ASIC2: variants seen among roughly 807,000 people sequenced by gnomAD.
The protein encoded by ASIC2 is acid sensing ion channel subunit 2.
A neutral mutation model predicts 57.3 loss-of-function variants in ASIC2; 25 were observed. The observed-to-expected ratio is 0.44, with a 90% CI of 0.32 to 0.61. The LOEUF is 0.61. Ranked by LOEUF, ASIC2 falls within the 20% of genes least tolerant of loss-of-function variation. The pLI is 0.06. For synonymous variants in ASIC2, 319 were observed against 307.5 expected (o/e 1.04, Z -0.39); for missense variants, 641 against 738.1 (o/e 0.87, Z 1.52).
intron 1 of ASIC2, among the ~76,000 whole-genome samples, chr17:33,874,704 T>C (rs543803150): frequency 6.6e-6 from 1 of 152,200 alleles, no homozygotes; most frequent in Admixed American, 6.5e-5. Context: ...ATCCCCACCC[T>C]CCTTTGCTGG....
intron 1 of ASIC2, among the ~76,000 whole-genome samples, chr17:33,824,620 T>C (rs1301168030): frequency 6.6e-6 from 1 of 152,188 alleles, no homozygotes; most frequent in Non-Finnish European, 1.5e-5. Flanking sequence ...TGACATGGTT[T>C]GGCTGTGGCC....
chr17:33,589,241 G>A (rs189257117), intron 1 of ASIC2, among the ~76,000 whole-genome samples: 21 of 152,308 alleles, frequency 1.4e-4, no homozygotes, highest in Non-Finnish European at 2.6e-4. Context: ...CACGAGTACA[G>A]TATGTTCCCA....
intron 1 of ASIC2, among the ~76,000 whole-genome samples, chr17:33,336,098 G>A (rs903531055): frequency 6.6e-6 from 1 of 152,098 alleles, no homozygotes; most frequent in East Asian, 1.9e-4. Flanking sequence ...CTGCCTCCTG[G>A]GTCTGCCTCC....
intron 1 of ASIC2, among the ~76,000 whole-genome samples, chr17:33,212,532 TAA>T (rs1907318761): frequency 6.6e-6 from 1 of 152,226 alleles, no homozygotes; most frequent in African/African-American, 2.4e-5. Context: ...TGTAAGAGAA[TAA>T]GTTTCTGTTG....
At chr17:33,478,479 C>T (rs1325000257) in intron 1 of ASIC2, among the ~76,000 whole-genome samples, 2 of 152,210 alleles carry the variant, frequency 1.3e-5, no homozygotes, top group Non-Finnish European at 2.9e-5. Flanking sequence ...CATGAATGAA[C>T]ATGCTATCTG....
rs1256937101 is a variant in ASIC2, at chr17:34,156,580, AG to A, written c.-49del. On this transcript the variant is annotated 5_prime_UTR_variant, in exon 1 of 10. Coordinates refer to the ASIC2 transcript ENST00000359872. The surrounding 1 kb of genome is among the most constrained non-coding windows in gnomAD (Gnocchi z 4.4). Reference sequence around the variant, plus strand: ...ACTGGCTTCAGGTTGATCGAATTTCAGAGAAGAGCTCCCAGTCCTCGGGCTC... The same window carrying A: ...ACTGGCTTCAGGTTGATCGAATTTCAAGAAGAGCTCCCAGTCCTCGGGCTC... The A allele has an allele frequency of 2.6e-6, 4 of 1,523,750 alleles. No individual in the cohort carries two copies. Among genetic ancestry groups the A allele is most frequent in the Non-Finnish European group, 3.5e-6 (4 of 1,131,696 alleles). The allele number at this position is 1,523,750 out of a possible 1,614,324, so 94.4% of individuals were successfully genotyped here. A position where few individuals can be genotyped will look rare whatever the true frequency, so the allele number is the denominator to read the frequency against.
chr17:33,864,007 G>A lies in ASIC2; in HGVS notation c.555+291971C>T, dbSNP rs560997238. The stretch of plus-strand genomic sequence containing the variant: ...CAACCTCCACCTCCCAGGTTCAAGC[G>A]ATTCTCCTACCTTAGCCTACTGAGT... On this transcript the variant is annotated intron_variant, in intron 1 of 9. Coordinates refer to the ASIC2 transcript ENST00000359872. Among the ~76,000 whole-genome samples the A allele has an allele frequency of 2.6e-4, 40 of 151,898 alleles. No homozygotes were observed. In the South Asian group the frequency reaches 7.1e-3, roughly 27 times the overall value.
intron 1 of ASIC2, among the ~76,000 whole-genome samples, chr17:33,764,158 A>G (rs1373415570): frequency 6.6e-6 from 1 of 152,068 alleles, no homozygotes; most frequent in African/African-American, 2.4e-5. Context: ...AAACAACAAA[A>G]AAACAAAATT....
At position 33,953,108 on chromosome 17, in the gene ASIC2, A is replaced by G. The variant is rs555897507; in HGVS notation, c.555+202870T>C. Among the ~76,000 whole-genome samples the G allele has an allele frequency of 5.3e-5, 8 of 152,300 alleles. No homozygotes were observed. In the South Asian group the frequency reaches 1.7e-3, roughly 32 times the overall value. On this transcript the variant is annotated intron_variant, in intron 1 of 9. Coordinates refer to the ASIC2 transcript ENST00000359872. ...ATTAGAAACAAAACTATATATTTGTATGAGATCATCTACATACAATGCATT... is the reference window on the plus strand; with the variant it reads ...ATTAGAAACAAAACTATATATTTGTGTGAGATCATCTACATACAATGCATT...
At chr17:33,795,738 G>T (rs539442425) in intron 1 of ASIC2, among the ~76,000 whole-genome samples, 57 of 152,330 alleles carry the variant, frequency 3.7e-4, no homozygotes, top group African/African-American at 1.3e-3. Flanking sequence ...TGGCCCAGGG[G>T]CCCTGTTAAT....
chr17:33,517,805 A>C (rs550811665), intron 1 of ASIC2, among the ~76,000 whole-genome samples: 9 of 152,236 alleles, frequency 5.9e-5, no homozygotes, highest in Middle Eastern at 3.4e-3. Context: ...CATATGTAAC[A>C]AACCTGCACG....
chr17:33,378,310 G>A (rs1909353067), intron 1 of ASIC2, among the ~76,000 whole-genome samples: 2 of 152,210 alleles, frequency 1.3e-5, no homozygotes, highest in South Asian at 2.1e-4. Flanking sequence ...TGCTTGAAAG[G>A]CAGGGAAGCC....
chr17:33,645,377 T>G (rs1906708488), intron 1 of ASIC2, among the ~76,000 whole-genome samples: 1 of 152,148 alleles, frequency 6.6e-6, no homozygotes, highest in Admixed American at 6.5e-5. Context: ...AGTAGAACAC[T>G]CTAAAAAACT....
chr17:34,039,855 A>T, intron 1 of ASIC2: 2 of 1,605,690 alleles, frequency 1.2e-6, no homozygotes, highest in Non-Finnish European at 1.7e-6. Context: ...GGTCCAGGCT[A>T]TGCAATTCTT....
intron 9 of ASIC2, among the ~76,000 whole-genome samples, chr17:33,014,931 G>T (rs1014432022): frequency 2.0e-5 from 3 of 152,210 alleles, no homozygotes; most frequent in Non-Finnish European, 4.4e-5. Context: ...TGATGCAGAT[G>T]CTTAGACAGG....
Sources: gnomAD v4.1 joint callset for allele counts (sites outside exome capture counted in the v4.1 genomes callset) on GRCh38, gnomAD v4.1.1 for gene constraint, Gnocchi (gnomAD v3.1) non-coding constraint, MANE v1.5 for transcripts, NCBI Gene and HGNC (gene_info 2026-07-23, HGNC 2026-07-21) for gene names.